The following NCOA6 variants were observed in gnomAD, a reference collection of about 807,000 sequenced individuals.
The protein encoded by NCOA6 is nuclear receptor coactivator 6.
NCOA6 carries 49 observed loss-of-function variants against 171.4 expected under a neutral mutation model. The ratio of observed to expected loss-of-function variants is 0.29; its 90% CI spans 0.23 to 0.36. The LOEUF is 0.36. Ranked by LOEUF, NCOA6 falls within the 10% of genes least tolerant of loss-of-function variation. NCOA6 has a pLI of 1.00. For synonymous variants in NCOA6, 910 were observed against 927.5 expected, an observed-to-expected ratio of 0.98 and a Z score of 0.34; for missense variants, 2,248 against 2,554.5, an observed-to-expected ratio of 0.88 and a Z score of 2.59.
intron 5 of NCOA6, among the ~76,000 whole-genome samples, chr20:34,763,534 T>C (rs1194415103): frequency 2.0e-5 from 3 of 152,204 alleles, no homozygotes; most frequent in Non-Finnish European, 4.4e-5. Context: ...AATCCTAAAT[T>C]GTATAAATTC....
At chr20:34,743,532 GA>G (rs1261468196) in intron 10 of NCOA6, among the ~76,000 whole-genome samples, 191 bp from the exon 11 acceptor site, 1 of 152,138 alleles carries the variant, frequency 6.6e-6, no homozygotes, top group Non-Finnish European at 1.5e-5. Flanking sequence ...AGTGCTTAAG[GA>G]AGCAAAAAGC....
At chr20:34,716,990 C>T (rs1312711523) in intron 14 of NCOA6, among the ~76,000 whole-genome samples, 1 of 152,100 alleles carries the variant, frequency 6.6e-6, no homozygotes, top group African/African-American at 2.4e-5. Flanking sequence ...CAGATTTACC[C>T]ATTTCTGGTA....
chr20:34,739,030 T>A, intron 11 of NCOA6: 3 of 436,084 alleles, frequency 6.9e-6, no homozygotes, highest in South Asian at 3.1e-5. Flanking sequence ...TCTGGGGAAA[T>A]AGAGCTTCTT....
Position 34,817,200 on chromosome 20 carries a change from ATTC to A in NCOA6, c.-164+8269_-164+8271del, listed in dbSNP as rs1468158575. ...GTACTACGGAACTGATATTCAACAG[ATTC>A]AATATCAGTAAAGGAGCTGATTAAT... On this transcript the variant is annotated intron_variant, in intron 1 of 14. Transcript: ENST00000359003. Among the ~76,000 whole-genome samples the A allele has an allele frequency of 1.2e-3, 159 of 128,700 alleles. 37 individuals carry two copies. Among genetic ancestry groups the A allele is most frequent in the Middle Eastern group, 4.4e-3 (1 of 228 alleles). 84.4% of individuals were successfully genotyped at this position (128,700 alleles called of 152,430 possible).
rs763774739 is a variant in NCOA6 at position 34,741,366 on chromosome 20, T to C, written c.4890A>G (p.Thr1630=). The C allele has an allele frequency of 6.2e-7, 1 of 1,614,210 alleles. No individual in the cohort carries two copies. The highest frequency in any genetic ancestry group is 2.2e-5 in the East Asian group (1 of 44,890). Residue 1630 remains threonine (T), a synonymous_variant, in exon 11 of 15, where the codon ACA becomes ACG. Coordinates refer to ENST00000359003, the MANE Select transcript of NCOA6 (RefSeq NM_014071.5). ...LQSALMSTVV[T]MPNAGSKVMV... Reference sequence around the variant, plus strand: ...TAACCTTGCTACCCGCATTGGGCATTGTGACAACTGTTGACATCAATGCAG... The same window carrying C: ...TAACCTTGCTACCCGCATTGGGCATCGTGACAACTGTTGACATCAATGCAG...
chr20:34,757,034 T>G (rs1226740454), intron 7 of NCOA6, among the ~76,000 whole-genome samples, 186 bp downstream of exon 7: 1 of 152,222 alleles, frequency 6.6e-6, no homozygotes, highest in African/African-American at 2.4e-5. Context: ...TAGCTTAAAT[T>G]TAACCAGTAA....
chr20:34,820,069 C>A (rs2146759899), intron 1 of NCOA6: 1 of 152,268 alleles, frequency 6.6e-6, no homozygotes, highest in Non-Finnish European at 1.5e-5. Context: ...AAGATCTAAC[C>A]ATTGAAAACA....
chr20:34,732,314 A>G (rs1012041419), intron 13 of NCOA6, among the ~76,000 whole-genome samples: 49 of 152,224 alleles, frequency 3.2e-4, no homozygotes, highest in African/African-American at 1.2e-3. Context: ...AGAACATGTT[A>G]TCTCACTCAG....
intron 1 of NCOA6, among the ~76,000 whole-genome samples, chr20:34,806,116 G>A (rs1249118874): frequency 6.6e-6 from 1 of 152,084 alleles, no homozygotes; most frequent in Non-Finnish European, 1.5e-5. Flanking sequence ...TTTTAACTGG[G>A]GTGAAATAAT....
chr20:34,757,242 C>G lies in NCOA6; in HGVS notation c.1506G>C (p.Gln502His), dbSNP rs1341221279. Residue 502 changes from glutamine (Q) to histidine (H), a missense_variant, in exon 7 of 15, where the codon CAG (glutamine) becomes CAC (histidine). Gln to His is a conservative substitution (Grantham distance 24). This residue lies in a region of NCOA6 where 987 missense variants were observed against 1,104.7 expected (regional missense o/e 0.89). Coordinates refer to ENST00000359003, the MANE Select transcript of NCOA6 (RefSeq NM_014071.5). Reference sequence around the variant, plus strand: ...CACCTCCTAGGCCTGGATGTAAACTCTGTGGCCCCTGGTTTGGTGGTTGCT... The same window carrying G: ...CACCTCCTAGGCCTGGATGTAAACTGTGTGGCCCCTGGTTTGGTGGTTGCT... ...MQQQPPNQGP[Q>H]SLHPGLGGMP... is the part of the protein sequence containing the mutation. The G allele has an allele frequency of 6.3e-7, 1 of 1,598,616 alleles. No individual in the cohort carries two copies. Among genetic ancestry groups the G allele is most frequent in the Admixed American group, 1.7e-5 (1 of 58,790 alleles).
intron 14 of NCOA6, among the ~76,000 whole-genome samples, chr20:34,716,037 C>G (rs1473044982): frequency 6.6e-6 from 1 of 151,766 alleles, no homozygotes; most frequent in Non-Finnish European, 1.5e-5. Flanking sequence ...GCCAACATGG[C>G]GAAACCCCAT....
intron 1 of NCOA6, among the ~76,000 whole-genome samples, chr20:34,811,269 C>T (rs2078657593): frequency 7.6e-6 from 1 of 131,698 alleles, no homozygotes; most frequent in Non-Finnish European, 1.6e-5. Context: ...ATGATTATCT[C>T]TATTCAAATA....
At chr20:34,804,063 C>A (rs1277469161) in intron 1 of NCOA6, among the ~76,000 whole-genome samples, 1 of 150,016 alleles carries the variant, frequency 6.7e-6, no homozygotes, top group South Asian at 2.1e-4. Context: ...TTAGGCCAAG[C>A]GTGGTGGCTC....
At chr20:34,810,170 T>A (rs904884565) in intron 1 of NCOA6, among the ~76,000 whole-genome samples, 2 of 152,214 alleles carry the variant, frequency 1.3e-5, no homozygotes, top group Non-Finnish European at 2.9e-5. Flanking sequence ...AATTAACACA[T>A]TTTTACAATA....
intron 2 of NCOA6, among the ~76,000 whole-genome samples, chr20:34,787,171 G>C (rs2146269128): frequency 6.6e-6 from 1 of 150,662 alleles, no homozygotes; most frequent in Middle Eastern, 3.5e-3. Flanking sequence ...GGTCTCCCCT[G>C]CCTCCAATCT....
In NCOA6 at chr20:34,768,205, C is replaced by T. The variant is rs2077036910; in HGVS notation, c.514+259G>A. On this transcript the variant is annotated intron_variant, in intron 5 of 14. Transcript: ENST00000359003. Reference sequence around the variant, plus strand: ...CTATTTCCAACAGCACAGGTCATGTCACACAACAGGAAGTCAATAAATGTT... The same window carrying T: ...CTATTTCCAACAGCACAGGTCATGTTACACAACAGGAAGTCAATAAATGTT... 2.0e-5 allele frequency among the ~76,000 whole-genome samples: 3 copies of T among 152,258 alleles called. 1 individual carries two copies. The highest frequency in any genetic ancestry group is 2.0e-4 in the Admixed American group (3 of 15,300).
intron 4 of NCOA6, among the ~76,000 whole-genome samples, chr20:34,772,313 C>CAA (rs200276752): frequency 2.0e-4 from 19 of 93,924 alleles, no homozygotes; most frequent in African/African-American, 3.7e-4. Flanking sequence ...GACTTTGTCT[C>CAA]AAAAAAAAAA....
chr20:34,757,507 A>T lies in NCOA6; in HGVS notation c.1241T>A (p.Val414Asp). The change falls in exon 7 of 15, where the codon GTC (valine) becomes GAC (aspartate). Residue 414 changes from valine to aspartate, a missense_variant. Val to Asp is a radical substitution (Grantham distance 152). Transcript: ENST00000359003. ...MKSLQGGPSR[V>D]PTPLQQPHLT... ...GTGGGGCTGCTGCAAGGGAGTTGGG[A>T]CCCTAGAGGGCCCTCCCTGCAAACT... is the stretch of plus-strand genomic sequence containing the variant. 6.2e-7 allele frequency: 1 copy of T among 1,613,654 alleles called. No homozygotes were observed. Among genetic ancestry groups the T allele is most frequent in the Non-Finnish European group, 8.5e-7 (1 of 1,179,852 alleles).
intron 3 of NCOA6, among the ~76,000 whole-genome samples, chr20:34,781,556 C>T (rs1382019603): frequency 3.9e-5 from 6 of 152,096 alleles, no homozygotes; most frequent in Non-Finnish European, 4.4e-5. Flanking sequence ...TGTAAAAATC[C>T]GGATTTTCAT....
Sources: gnomAD v4.1 joint callset for allele counts (sites outside exome capture counted in the v4.1 genomes callset) on GRCh38, gnomAD v4.1.1 for gene constraint, gnomAD v4.1.1 regional missense constraint, MANE v1.5 for transcripts, NCBI Gene and HGNC (gene_info 2026-07-23, HGNC 2026-07-21) for gene names.